The following MIER1 variants were observed in gnomAD, a reference collection of about 807,000 sequenced individuals.
MIER1 encodes the protein MIER1 transcriptional regulator.
In MIER1, 40 loss-of-function variants were observed where a neutral mutation model predicts 75.7. The ratio of observed to expected loss-of-function variants is 0.53; its 90% CI spans 0.41 to 0.69. The LOEUF (loss-of-function observed/expected upper bound fraction) is 0.69. Ranked by LOEUF, MIER1 falls within the 30% of genes least tolerant of loss-of-function variation. MIER1 has a pLI of 0.00. For synonymous variants in MIER1, 213 were observed against 223.4 expected, an observed-to-expected ratio of 0.95 and a Z score of 0.42; for missense variants, 574 against 680.2, an observed-to-expected ratio of 0.84 and a Z score of 1.74.
chr1:66,971,692 A>G lies in MIER1; in HGVS notation c.962A>G (p.Glu321Gly), dbSNP rs751224348. The G allele has an allele frequency of 4.0e-6, 6 of 1,518,336 alleles. No homozygotes were observed. The highest frequency in any genetic ancestry group is 5.4e-6 in the Non-Finnish European group (6 of 1,101,616). The allele number at this position is 1,518,336 out of a possible 1,614,324, so 94.1% of individuals were successfully genotyped here. ...YELVKCNFDT[E>G]EALRRLRFNV... ...TTGGTTAAATGCAATTTTGATACAG[A>G]AGAAGCATTGAGAAGATTAAGATTT... Residue 321 changes from glutamate to glycine, a missense_variant, in exon 10 of 14, where the codon GAA (glutamate) becomes GGA (glycine). By Grantham distance (98) the Glu-to-Gly change is moderately conservative. This residue lies in a region of MIER1 where 101 missense variants were observed against 173.1 expected (regional missense o/e 0.58). Coordinates refer to ENST00000401041, the MANE Select transcript of MIER1 (RefSeq NM_001077700.3).
chr1:66,935,168 A>G (rs1277885712), intron 2 of MIER1, among the ~76,000 whole-genome samples: 1 of 151,980 alleles, frequency 6.6e-6, no homozygotes, highest in Non-Finnish European at 1.5e-5. Flanking sequence ...TTATTTCTTT[A>G]CTCTCTCTCA....
At chr1:66,969,545 CAAAAAAAAAAAAAAAAA>C (rs35924256) in intron 8 of MIER1, among the ~76,000 whole-genome samples, 47 of 63,510 alleles carry the variant, frequency 7.4e-4, no homozygotes, top group Admixed American at 2.7e-4. Context: ...ACTTCGTCTC[CAAAAAAAAAAAAAAAAA>C]AAAAAAAAAA....
At chr1:66,937,106 GACAC>G (rs948650351) in intron 2 of MIER1, among the ~76,000 whole-genome samples, 28 of 151,954 alleles carry the variant, frequency 1.8e-4, no homozygotes, top group Admixed American at 4.6e-4. Flanking sequence ...GGTACAAAAG[GACAC>G]TATAAAAGGT....
chr1:66,980,105 T>A (rs1311808895), intron 12 of MIER1, among the ~76,000 whole-genome samples: 1 of 152,206 alleles, frequency 6.6e-6, no homozygotes, highest in Non-Finnish European at 1.5e-5. Flanking sequence ...CCATTCCCAC[T>A]ATAACGTATT....
chr1:66,927,484 T>A (rs1322501038), intron 2 of MIER1, among the ~76,000 whole-genome samples: 1 of 152,172 alleles, frequency 6.6e-6, no homozygotes, highest in African/African-American at 2.4e-5. Flanking sequence ...GTGCATTTTC[T>A]TATGCCTTTA....
chr1:66,963,488 T>G (rs1286734446), intron 8 of MIER1, among the ~76,000 whole-genome samples: 2 of 152,238 alleles, frequency 1.3e-5, no homozygotes, highest in African/African-American at 4.8e-5. Flanking sequence ...CTAATCTTTA[T>G]AATTTAGTTT....
chr1:66,981,743 T>G, intron 12 of MIER1, 36 bp from the exon 13 acceptor site: 1 of 1,513,346 alleles, frequency 6.6e-7, no homozygotes, highest in African/African-American at 1.4e-5. Context: ...AATTTTCAGC[T>G]CTTTTTAATA....
chr1:66,934,959 A>C (rs996281312), intron 2 of MIER1, among the ~76,000 whole-genome samples: 1 of 152,194 alleles, frequency 6.6e-6, no homozygotes, highest in Non-Finnish European at 1.5e-5. Flanking sequence ...TAGAGTCTAC[A>C]TAACTAAGTA....
chr1:66,958,330 G>C, intron 5 of MIER1, 110 bp downstream of exon 5: 1 of 741,770 alleles, frequency 1.3e-6, no homozygotes. Context: ...GATTTTAAAA[G>C]TGTTAAAAAT....
Position 66,987,651 on chromosome 1 carries a change from TA to T in MIER1, c.*2752del, listed in dbSNP as rs1302812558. On this transcript the variant is annotated 3_prime_UTR_variant, in exon 14 of 14. Transcript: ENST00000401041. ...GCCATTCTGAATATGCTTATTAAAA[TA>T]TTTTTTTAAACATATTTGCCTACAT... The T allele has an allele frequency of 3.3e-5, 5 of 152,698 alleles. No homozygotes were observed. The highest frequency in any genetic ancestry group is 7.2e-5 in the African/African-American group (3 of 41,476). The allele number at this position is 152,698 out of a possible 1,614,324, so 9.5% of individuals were successfully genotyped here. A position where few individuals can be genotyped will look rare whatever the true frequency, so the allele number is the denominator to read the frequency against.
At chr1:66,941,761 A>C (rs940535605) in intron 3 of MIER1, among the ~76,000 whole-genome samples, 1 of 152,160 alleles carries the variant, frequency 6.6e-6, no homozygotes, top group African/African-American at 2.4e-5. Flanking sequence ...ACTTGAGGTC[A>C]GGAGTTTGAG....
intron 4 of MIER1, chr1:66,946,956 T>C: frequency 1.0e-5 from 10 of 985,520 alleles, no homozygotes; most frequent in Non-Finnish European, 1.2e-5. Flanking sequence ...AAGGTTTACA[T>C]GTTGGCAGTT....
intron 8 of MIER1, among the ~76,000 whole-genome samples, chr1:66,967,427 G>A (rs917362083): frequency 1.3e-5 from 2 of 152,174 alleles, no homozygotes; most frequent in Admixed American, 6.5e-5. Context: ...GTTAGGTAAT[G>A]TGATTCCTCC....
intron 3 of MIER1, among the ~76,000 whole-genome samples, chr1:66,945,311 AT>A (rs1558042174): frequency 8.4e-5 from 7 of 82,918 alleles, no homozygotes; most frequent in South Asian, 4.2e-4. Flanking sequence ...ATATATATAT[AT>A]ATATAAAATA....
chr1:66,972,831 G>A (rs922652152), intron 10 of MIER1, 66 bp from the exon 11 acceptor site: 1 of 810,546 alleles, frequency 1.2e-6, no homozygotes, highest in Non-Finnish European at 2.1e-6. Context: ...GTTTTCATTT[G>A]TAATTTTGTT....
intron 3 of MIER1, among the ~76,000 whole-genome samples, chr1:66,942,792 A>C (rs1656554681): frequency 6.6e-6 from 1 of 151,970 alleles, no homozygotes; most frequent in Non-Finnish European, 1.5e-5. Flanking sequence ...GGAGTGAGAC[A>C]GGAAGTAGTT....
At chr1:66,928,934 C>G (rs1484614314) in intron 2 of MIER1, 1 of 1,608,802 alleles carries the variant, frequency 6.2e-7, no homozygotes, top group Non-Finnish European at 8.5e-7. Flanking sequence ...TACAGACTGT[C>G]TGTGGACTCT....
rs925048476 is a variant in MIER1, at chr1:66,959,871, T to G, written c.699+128T>G. The G allele has an allele frequency of 2.9e-5, 12 of 408,306 alleles. No individual in the cohort carries two copies. In the Admixed American group the frequency reaches 5.6e-4, roughly 19 times the overall value. The allele number at this position is 408,306 out of a possible 1,614,324, so 25.3% of individuals were successfully genotyped here. ...TCGATGTAAGCCCTTTTATGACATT[T>G]AAATGTTTGGTAAATGTTCAGATTC... is the stretch of plus-strand genomic sequence containing the variant. On this transcript the variant is annotated intron_variant, in intron 7 of 13. Coordinates refer to ENST00000401041, the MANE Select transcript of MIER1 (RefSeq NM_001077700.3).
At chr1:66,934,052 A>G (rs1269475065) in intron 2 of MIER1, among the ~76,000 whole-genome samples, 1 of 152,222 alleles carries the variant, frequency 6.6e-6, no homozygotes, top group Admixed American at 6.5e-5. Context: ...TCTGTGGCTT[A>G]GAACAATAAC....
Sources: allele counts gnomAD v4.1 joint callset (sites outside exome capture counted in the v4.1 genomes callset), GRCh38; gene constraint gnomAD v4.1.1; regional missense constraint gnomAD v4.1.1; transcripts MANE v1.5; gene names NCBI Gene and HGNC (gene_info 2026-07-23, HGNC 2026-07-21).